KDM6A: variants seen among roughly 807,000 people sequenced by gnomAD.
The protein encoded by KDM6A is lysine demethylase 6A.
A neutral mutation model predicts 117.6 loss-of-function variants in KDM6A; 11 were observed. The observed-to-expected ratio is 0.09, with a 90% CI of 0.06 to 0.15. The LOEUF (loss-of-function observed/expected upper bound fraction) is 0.15, where lower values mean the gene tolerates loss of function less well. Ranked by LOEUF, KDM6A falls within the 10% of genes least tolerant of loss-of-function variation. The pLI is 1.00. For missense variants in KDM6A, 799 were observed against 1,077.3 expected (o/e 0.74, Z 3.62); for synonymous variants, 384 against 396.1 (o/e 0.97, Z 0.36).
Position 45,052,654 on chromosome X carries a change from T to G in KDM6A, c.748+852T>G, listed in dbSNP as rs2043904713. Reference sequence around the variant, plus strand: ...TATAAACAAAACTAAGGCTTTATTATGAAGGCAATGTTTGTTTTTTCAGTC... The same window carrying G: ...TATAAACAAAACTAAGGCTTTATTAGGAAGGCAATGTTTGTTTTTTCAGTC... On this transcript the variant is annotated intron_variant, in intron 9 of 29. Coordinates refer to ENST00000611820, the MANE Select transcript of KDM6A (RefSeq NM_001291415.2). Among the ~76,000 whole-genome samples the G allele has an allele frequency of 2.7e-5, 3 of 111,794 alleles. No individual in the cohort carries two copies. In the South Asian group the frequency reaches 1.1e-3, roughly 42 times the overall value.
At chrX:44,910,444 C>T (rs1389962293) in intron 2 of KDM6A, among the ~76,000 whole-genome samples, 1 of 109,980 alleles carries the variant, frequency 9.1e-6, no homozygotes, top group African/African-American at 3.3e-5. Context: ...CCGATTTGGC[C>T]TCATTTTTTT....
intron 4 of KDM6A, among the ~76,000 whole-genome samples, chrX:44,995,179 G>A (rs1198018081): frequency 9.0e-6 from 1 of 110,949 alleles, no homozygotes; most frequent in Non-Finnish European, 1.9e-5. Context: ...GAAATCTTGG[G>A]TACAACTCTG....
chrX:45,087,172 G>GT (rs1399706161), intron 25 of KDM6A, among the ~76,000 whole-genome samples: 1 of 111,703 alleles, frequency 9.0e-6, no homozygotes, highest in Non-Finnish European at 1.9e-5. Context: ...TGTATTTTTA[G>GT]TAGAGACAGG....
At chrX:44,955,547 C>T (rs2038277159) in intron 2 of KDM6A, among the ~76,000 whole-genome samples, 1 of 111,119 alleles carries the variant, frequency 9.0e-6, no homozygotes, top group African/African-American at 3.3e-5. Context: ...CCATTGTAAC[C>T]TTTTCAGATG....
chrX:45,112,372 G>A lies in KDM6A; in HGVS notation c.*961G>A, dbSNP rs2046791224. On this transcript the variant is annotated 3_prime_UTR_variant, in exon 30 of 30. Transcript: ENST00000611820. The stretch of plus-strand genomic sequence containing the variant: ...TATGTATGTATATATAATATATATA[G>A]AAATCTGGATATATATGTATAAATC... 2 of 128,256 alleles carry A rather than the reference G, an allele frequency of 1.6e-5. No individual in the cohort carries two copies. The highest frequency in any genetic ancestry group is 6.5e-5 in the African/African-American group (2 of 30,864). The allele number at this position is 128,256 out of a possible 1,213,427, so 10.6% of individuals were successfully genotyped here. A position where few individuals can be genotyped will look rare whatever the true frequency, so the allele number is the denominator to read the frequency against.
chrX:45,019,699 T>C (rs2042098876), intron 5 of KDM6A, among the ~76,000 whole-genome samples: 1 of 111,807 alleles, frequency 8.9e-6, no homozygotes, highest in African/African-American at 3.2e-5. Flanking sequence ...TTAAATCATG[T>C]AGAGGAACCT....
intron 2 of KDM6A, among the ~76,000 whole-genome samples, chrX:44,937,112 T>C (rs1299574341): frequency 9.0e-6 from 1 of 111,024 alleles, no homozygotes; most frequent in Non-Finnish European, 1.9e-5. Flanking sequence ...TGATGATACA[T>C]TGACCCTTTT....
intron 2 of KDM6A, 74 bp downstream of exon 2, chrX:44,874,061 C>T (rs969401094): frequency 2.0e-6 from 2 of 987,347 alleles, no homozygotes; most frequent in Non-Finnish European, 2.9e-6. Flanking sequence ...GCCCCGCGGC[C>T]GGGTCTGTGC....
intron 4 of KDM6A, among the ~76,000 whole-genome samples, chrX:44,980,216 G>C (rs757538714): frequency 9.0e-6 from 1 of 110,504 alleles, no homozygotes; most frequent in South Asian, 3.8e-4. Context: ...GGATGGTCTC[G>C]ATCTCCTGGC....
chrX:45,019,966 C>G (rs1046693408), intron 5 of KDM6A, among the ~76,000 whole-genome samples: 1 of 110,184 alleles, frequency 9.1e-6, no homozygotes, highest in African/African-American at 3.3e-5. Flanking sequence ...CGAAGAAAAG[C>G]GGAATGGAAT....
chrX:45,044,681 A>G (rs915721870), intron 8 of KDM6A, among the ~76,000 whole-genome samples: 25 of 112,097 alleles, frequency 2.2e-4, no homozygotes, highest in Non-Finnish European at 4.3e-4. Context: ...CTTGCTTTAA[A>G]TTTTAACTTA....
At chrX:44,975,796 G>GGA (rs2039588711) in intron 4 of KDM6A, among the ~76,000 whole-genome samples, 2 of 112,006 alleles carry the variant, frequency 1.8e-5, no homozygotes, top group Non-Finnish European at 3.8e-5. Context: ...GCCCACAGGT[G>GGA]TTTACACCAG....
At chrX:44,896,425 A>ATC (rs2033860172) in intron 2 of KDM6A, among the ~76,000 whole-genome samples, 1 of 111,365 alleles carries the variant, frequency 9.0e-6, no homozygotes, top group Admixed American at 9.6e-5. Context: ...TACATTGAAC[A>ATC]ACACATCAGA....
chrX:45,073,196 A>G (rs1489827463), intron 18 of KDM6A, among the ~76,000 whole-genome samples: 1 of 111,532 alleles, frequency 9.0e-6, no homozygotes, highest in African/African-American at 3.3e-5. Context: ...TGCAAAGGAC[A>G]TGAACTCATC....
At chrX:44,949,362 C>G (rs1432276021) in intron 2 of KDM6A, among the ~76,000 whole-genome samples, 1 of 111,696 alleles carries the variant, frequency 9.0e-6, no homozygotes, top group Non-Finnish European at 1.9e-5. Context: ...GCCTCTGCAC[C>G]CTAGCCTCGG....
intron 4 of KDM6A, among the ~76,000 whole-genome samples, chrX:45,000,764 C>T (rs1435552022): frequency 8.9e-6 from 1 of 112,596 alleles, no homozygotes; most frequent in Non-Finnish European, 1.9e-5. Flanking sequence ...GGCTGACCCG[C>T]AGGGTGCCGG....
intron 2 of KDM6A, among the ~76,000 whole-genome samples, chrX:44,924,648 GGTGTGTGTGTGTGTGTGT>G (rs112587323): frequency 2.2e-5 from 2 of 90,455 alleles, no homozygotes; most frequent in African/African-American, 8.1e-5. Context: ...GGTGGTCCTG[GGTGTGTGTGTGTGTGTGT>G]GTGTGTGTGT....
At chrX:44,981,223 A>T (rs2039891459) in intron 4 of KDM6A, among the ~76,000 whole-genome samples, 1 of 112,047 alleles carries the variant, frequency 8.9e-6, no homozygotes, top group Admixed American at 9.5e-5. Flanking sequence ...AAGTCCCACA[A>T]GACTACCCCC....
chrX:44,926,690 G>A (rs1175318580), intron 2 of KDM6A, among the ~76,000 whole-genome samples: 1 of 111,402 alleles, frequency 9.0e-6, no homozygotes, highest in Non-Finnish European at 1.9e-5. Context: ...ATGTCATTTT[G>A]TTGTTACACC....
Sources: allele counts gnomAD v4.1 joint callset (sites outside exome capture counted in the v4.1 genomes callset), GRCh38; gene constraint gnomAD v4.1.1; transcripts MANE v1.5; gene names NCBI Gene and HGNC (gene_info 2026-07-23, HGNC 2026-07-21).